The following NSRP1 variants were observed in gnomAD, a reference collection of about 807,000 sequenced individuals.
NSRP1 encodes nuclear speckle splicing regulatory protein 1, also known as coiled-coil domain containing 55.
In NSRP1, 24 loss-of-function variants were observed where a neutral mutation model predicts 54.7. That is an observed-to-expected ratio of 0.44 (90% CI 0.32 to 0.62). The LOEUF (loss-of-function observed/expected upper bound fraction) is 0.62. Ranked by LOEUF, NSRP1 falls within the 20% of genes least tolerant of loss-of-function variation. NSRP1 has a pLI of 0.06. For synonymous variants in NSRP1, 210 were observed against 213.8 expected (o/e 0.98, Z 0.15); for missense variants, 596 against 651.2 (o/e 0.92, Z 0.92).
intron 2 of NSRP1, among the ~76,000 whole-genome samples, chr17:30,139,010 C>T (rs1235950687): frequency 1.4e-5 from 2 of 147,522 alleles, no homozygotes; most frequent in African/African-American, 2.6e-5. Context: ...CTCCGCCTCC[C>T]GGGTTCACAC....
chr17:30,179,793 C>T (rs1359848930), intron 5 of NSRP1, among the ~76,000 whole-genome samples: 1 of 152,072 alleles, frequency 6.6e-6, no homozygotes, highest in Non-Finnish European at 1.5e-5. Context: ...TACCTTAGTG[C>T]TTTCTACTCA....
intron 6 of NSRP1, 112 bp from the exon 7 acceptor site, chr17:30,184,503 C>G: frequency 5.2e-6 from 7 of 1,350,738 alleles, no homozygotes; most frequent in Non-Finnish European, 6.9e-6. Context: ...GTATATATCA[C>G]TATAGGTGTA....
chr17:30,120,299 A>T (rs2045999604), intron 2 of NSRP1, among the ~76,000 whole-genome samples: 1 of 152,226 alleles, frequency 6.6e-6, no homozygotes, highest in African/African-American at 2.4e-5. Context: ...TTCTTCATAA[A>T]ATATTAGAAT....
At chr17:30,118,296 T>C (rs150150560) in intron 2 of NSRP1, 123 bp downstream of exon 2, 48 of 645,858 alleles carry the variant, frequency 7.4e-5, no homozygotes, top group Admixed American at 2.7e-4. Context: ...ATTTACAGAA[T>C]TGTCAAAAAG....
At chr17:30,144,492 C>G (rs2071835392) in intron 2 of NSRP1, 2 of 152,024 alleles carry the variant, frequency 1.3e-5, no homozygotes, top group African/African-American at 2.4e-5. Context: ...AACTCCTGAC[C>G]TCAGGTGATC....
At chr17:30,118,848 A>G (rs924979856) in intron 2 of NSRP1, among the ~76,000 whole-genome samples, 2 of 151,134 alleles carry the variant, frequency 1.3e-5, no homozygotes, top group Non-Finnish European at 2.9e-5. Context: ...TCCTGGGTTC[A>G]AGCGATTCTC....
intron 3 of NSRP1, among the ~76,000 whole-genome samples, chr17:30,176,000 AC>A (rs61542606): frequency 1.9e-3 from 269 of 144,982 alleles, no homozygotes; most frequent in Middle Eastern, 0.011. Flanking sequence ...AAGACTCCGA[AC>A]CCCCCCCCCA....
intron 3 of NSRP1, among the ~76,000 whole-genome samples, chr17:30,176,617 C>A (rs979011189): frequency 1.3e-4 from 16 of 120,206 alleles, no homozygotes; most frequent in East Asian, 8.9e-4. Context: ...CCCCCCCCCC[C>A]CAAAAAAAAA....
In NSRP1 at chr17:30,185,147, A is replaced by G. The variant is rs1905475735; in HGVS notation, c.1150A>G (p.Arg384Gly). The G allele has an allele frequency of 6.3e-7, 1 of 1,595,868 alleles. No homozygotes were observed. Among genetic ancestry groups the G allele is most frequent in the African/African-American group, 1.3e-5 (1 of 74,470 alleles). The change falls in exon 7 of 7, where the codon AGG becomes GGG. Residue 384 changes from arginine (R) to glycine (G), a missense_variant. Physicochemically the swap from Arg to Gly is moderately radical, Grantham distance 125. Transcript: ENST00000247026. ...CAGAGTATGGAAAAGGGAGAAAGATAGGGAGAAATATTCCCAAAGAGAACA... is the reference window on the plus strand; with the variant it reads ...CAGAGTATGGAAAAGGGAGAAAGATGGGGAGAAATATTCCCAAAGAGAACA... ...SDRVWKREKD[R>G]EKYSQREQER...
chr17:30,123,307 G>T (rs1480202858), intron 2 of NSRP1, among the ~76,000 whole-genome samples: 1 of 151,946 alleles, frequency 6.6e-6, no homozygotes, highest in African/African-American at 2.4e-5. Context: ...TAGTAGAGAC[G>T]GGGTTTCACT....
At chr17:30,164,011 A>T (rs7223645) in intron 2 of NSRP1, among the ~76,000 whole-genome samples, 62,484 of 151,300 alleles carry the variant, frequency 0.41, 14,334 homozygotes, top group East Asian at 0.82. Flanking sequence ...ACCCCTTATA[A>T]TGTGTATGTG....
chr17:30,158,744 A>G (rs7211246), intron 2 of NSRP1, among the ~76,000 whole-genome samples: 75,468 of 151,930 alleles, frequency 0.5, 19,298 homozygotes, highest in East Asian at 0.82. Context: ...TACGTTCTTG[A>G]CACCTTTGTT....
chr17:30,146,697 G>A (rs560623336), intron 2 of NSRP1, among the ~76,000 whole-genome samples: 29 of 152,248 alleles, frequency 1.9e-4, no homozygotes, highest in Middle Eastern at 6.8e-3. Context: ...GTACAGTGGC[G>A]CAATCTTGGC....
At chr17:30,163,028 T>C (rs1904576604) in intron 2 of NSRP1, 1 of 151,852 alleles carries the variant, frequency 6.6e-6, no homozygotes, top group Non-Finnish European at 1.5e-5. Context: ...TACAGGCACG[T>C]GCCACCATGC....
At chr17:30,172,804 T>G (rs1352866662) in intron 3 of NSRP1, among the ~76,000 whole-genome samples, 2 of 151,954 alleles carry the variant, frequency 1.3e-5, no homozygotes, top group Admixed American at 1.3e-4. Context: ...TTGTTTGGCC[T>G]GTTGTTATTA....
chr17:30,177,990 G>T lies in NSRP1; in HGVS notation c.172-81G>T. 2.1e-6 allele frequency: 3 copies of T among 1,412,890 alleles called. No individual in the cohort carries two copies. The South Asian group carries it at 3.6e-5, about 17-fold the overall frequency. 87.5% of individuals were successfully genotyped at this position (1,412,890 alleles called of 1,614,324 possible). On this transcript the variant is annotated intron_variant, in intron 3 of 6. Coordinates refer to ENST00000247026, the MANE Select transcript of NSRP1 (RefSeq NM_032141.4). ...TTTTTATGATATATTTTCAATTTAT[G>T]AACCATTCTCAAAAAGCATAGACTT...
At chr17:30,180,106 G>A (rs1905247363) in intron 5 of NSRP1, among the ~76,000 whole-genome samples, 1 of 151,912 alleles carries the variant, frequency 6.6e-6, no homozygotes, top group Admixed American at 6.6e-5. Context: ...CAAAGTGTTG[G>A]CATTACAGGT....
intron 2 of NSRP1, among the ~76,000 whole-genome samples, chr17:30,138,259 G>A (rs893235552): frequency 2.0e-4 from 31 of 152,160 alleles, no homozygotes; most frequent in African/African-American, 7.0e-4. Context: ...CCTTTTGGCT[G>A]TTGTGAATAA....
intron 2 of NSRP1, among the ~76,000 whole-genome samples, chr17:30,142,713 G>T (rs982757371): frequency 5.9e-5 from 9 of 152,138 alleles, no homozygotes; most frequent in African/African-American, 1.9e-4. Flanking sequence ...AATTATATCT[G>T]TGCAGTAATT....
Sources: allele counts gnomAD v4.1 joint callset (sites outside exome capture counted in the v4.1 genomes callset), GRCh38; gene constraint gnomAD v4.1.1; transcripts MANE v1.5; gene names NCBI Gene and HGNC (gene_info 2026-07-23, HGNC 2026-07-21).